Variants in TCF7L1 observed in about 807,000 individuals in gnomAD.
TCF7L1 encodes the protein transcription factor 7-like 1.
Under a neutral mutation model 63.7 loss-of-function variants are expected in TCF7L1, and 18 were observed. That is an observed-to-expected ratio of 0.28 (90% CI 0.20 to 0.42). The LOEUF (loss-of-function observed/expected upper bound fraction) is 0.42. TCF7L1 is among the 10% of genes least tolerant of loss of function. The pLI, the probability that TCF7L1 is intolerant of heterozygous loss-of-function variation, is 1.00. For missense variants in TCF7L1, 654 were observed against 779.3 expected (o/e 0.84, Z 1.91); for synonymous variants, 355 against 340.9 (o/e 1.04, Z -0.46).
chr2:85,159,136 A>G (rs1197736478), intron 3 of TCF7L1, among the ~76,000 whole-genome samples: 3 of 152,120 alleles, frequency 2.0e-5, no homozygotes, highest in African/African-American at 7.2e-5. Context: ...CTTCAGGAAA[A>G]GGGGAGTCTT....
chr2:85,230,030 G>C (rs1430502492), intron 3 of TCF7L1, among the ~76,000 whole-genome samples: 1 of 152,124 alleles, frequency 6.6e-6, no homozygotes, highest in Non-Finnish European at 1.5e-5. Flanking sequence ...TTAAATGTTG[G>C]TCCACTTTCT....
At chr2:85,192,691 C>CTTT (rs58826165) in intron 3 of TCF7L1, among the ~76,000 whole-genome samples, 9 of 134,154 alleles carry the variant, frequency 6.7e-5, no homozygotes, top group African/African-American at 2.2e-4. Context: ...CCTAACTAAT[C>CTTT]TTTTTTTTTT....
intron 3 of TCF7L1, among the ~76,000 whole-genome samples, chr2:85,193,142 G>A (rs1014933356): frequency 1.3e-5 from 2 of 152,172 alleles, no homozygotes; most frequent in Admixed American, 6.6e-5. Context: ...TTTATGTAGA[G>A]CACTCAGGCT....
intron 3 of TCF7L1, among the ~76,000 whole-genome samples, chr2:85,277,005 G>A (rs1441305587): frequency 6.6e-6 from 1 of 152,182 alleles, no homozygotes; most frequent in Non-Finnish European, 1.5e-5. Context: ...GTAGCAGGCC[G>A]GGGAGCAGCA....
intron 3 of TCF7L1, among the ~76,000 whole-genome samples, chr2:85,263,862 G>A (rs1680912211): frequency 6.6e-6 from 1 of 152,238 alleles, no homozygotes; most frequent in African/African-American, 2.4e-5. Flanking sequence ...GCGGCTGGAG[G>A]AGTAAGTGGA....
intron 3 of TCF7L1, among the ~76,000 whole-genome samples, chr2:85,214,753 G>A (rs944129817): frequency 1.3e-5 from 2 of 152,048 alleles, no homozygotes; most frequent in African/African-American, 4.8e-5. Flanking sequence ...TGGTAACAGG[G>A]GCTCCCCGAG....
intron 3 of TCF7L1, among the ~76,000 whole-genome samples, chr2:85,166,141 T>C (rs1340891661): frequency 2.0e-5 from 3 of 152,240 alleles, no homozygotes; most frequent in Non-Finnish European, 4.4e-5. Context: ...ATCTGCCTCC[T>C]GAGTCACCTG....
At chr2:85,302,005 G>A (rs574782932) in intron 4 of TCF7L1, among the ~76,000 whole-genome samples, 1 of 152,040 alleles carries the variant, frequency 6.6e-6, no homozygotes, top group Admixed American at 6.6e-5. Context: ...GCAGACGCCT[G>A]TAATCCCAGC....
chr2:85,282,836 G>GTA, intron 3 of TCF7L1, among the ~76,000 whole-genome samples: 1 of 144,646 alleles, frequency 6.9e-6, no homozygotes, highest in African/African-American at 2.5e-5. Flanking sequence ...GTGTGTGTGT[G>GTA]TGTGTGTTGG....
intron 3 of TCF7L1, among the ~76,000 whole-genome samples, chr2:85,254,722 G>T (rs559506697): frequency 6.6e-6 from 1 of 152,052 alleles, no homozygotes; most frequent in Admixed American, 6.6e-5. Context: ...AAATAGCCTC[G>T]CCAATCTGCA....
intron 3 of TCF7L1, among the ~76,000 whole-genome samples, chr2:85,169,756 T>C (rs550987242): frequency 6.6e-6 from 1 of 152,146 alleles, no homozygotes; most frequent in Non-Finnish European, 1.5e-5. Flanking sequence ...TAGGTGACAG[T>C]ACAACCAGCT....
chr2:85,197,074 C>T (rs1679173368), intron 3 of TCF7L1, among the ~76,000 whole-genome samples: 1 of 152,186 alleles, frequency 6.6e-6, no homozygotes, highest in Non-Finnish European at 1.5e-5. Flanking sequence ...ACTTACCACC[C>T]CCAGCCTAAG....
chr2:85,304,307 C>A lies in TCF7L1; in HGVS notation c.814C>A (p.Pro272Thr). 2 of 1,614,102 alleles carry A rather than the reference C, an allele frequency of 1.2e-6. No individual in the cohort carries two copies. The highest frequency in any genetic ancestry group is 1.7e-6 in the Non-Finnish European group (2 of 1,180,010). The change falls in exon 7 of 12, where the codon CCC becomes ACC. Residue 272 changes from proline to threonine, a missense_variant. Pro to Thr is a conservative substitution (Grantham distance 38, BLOSUM62 -1). This residue lies in a region of TCF7L1 where 404 missense variants were observed against 454.8 expected (regional missense o/e 0.89). Coordinates refer to ENST00000282111, the MANE Select transcript of TCF7L1 (RefSeq NM_031283.3). ...LPPGGFRHPY[P>T]ALAMNASMSS... ...TCCCGGTGGCTTCCGGCACCCTTAC[C>A]CCGCCCTCGCCATGAACGCCTCGAT...
intron 11 of TCF7L1, among the ~76,000 whole-genome samples, chr2:85,308,472 T>TTTCTGTTTCC (rs1682190185): frequency 2.8e-5 from 1 of 36,106 alleles, no homozygotes; most frequent in Non-Finnish European, 5.4e-5. Context: ...TTTCCCTCCC[T>TTTCTGTTTCC]CTCCCCCTCC....
intron 3 of TCF7L1, among the ~76,000 whole-genome samples, chr2:85,237,185 G>C (rs1421995296): frequency 6.6e-6 from 1 of 152,168 alleles, no homozygotes; most frequent in Non-Finnish European, 1.5e-5. Context: ...ATAGTTCTAA[G>C]GTATTTGTTA....
chr2:85,243,275 C>T (rs915518626), intron 3 of TCF7L1, among the ~76,000 whole-genome samples: 2 of 152,252 alleles, frequency 1.3e-5, no homozygotes, highest in South Asian at 2.1e-4. Flanking sequence ...TGTTCCCAGC[C>T]GTCACCCAGA....
At chr2:85,289,957 A>G (rs1681653988) in intron 4 of TCF7L1, among the ~76,000 whole-genome samples, 1 of 145,686 alleles carries the variant, frequency 6.9e-6, no homozygotes, top group African/African-American at 2.5e-5. Flanking sequence ...TACAGGCACG[A>G]GCCACCACGC....
chr2:85,135,175 C>T (rs1677562138), intron 3 of TCF7L1, among the ~76,000 whole-genome samples: 1 of 152,166 alleles, frequency 6.6e-6, no homozygotes, highest in African/African-American at 2.4e-5. Context: ...ATTGACCGGG[C>T]CCCAGACGAC....
chr2:85,172,573 G>T (rs1003080861), intron 3 of TCF7L1, among the ~76,000 whole-genome samples: 8 of 152,078 alleles, frequency 5.3e-5, no homozygotes, highest in South Asian at 2.1e-4. Flanking sequence ...ATTATAGGCA[G>T]GTGCCACCAC....
Sources: gnomAD v4.1 joint callset for allele counts (sites outside exome capture counted in the v4.1 genomes callset) on GRCh38, gnomAD v4.1.1 for gene constraint, gnomAD v4.1.1 regional missense constraint, MANE v1.5 for transcripts, NCBI Gene and HGNC (gene_info 2026-07-23, HGNC 2026-07-21) for gene names.